ARFGEF1: variants seen among roughly 807,000 people sequenced by gnomAD.
ARFGEF1 encodes brefeldin A-inhibited guanine nucleotide-exchange protein 1.
A neutral mutation model predicts 231.0 loss-of-function variants in ARFGEF1; 42 were observed. The ratio of observed to expected loss-of-function variants is 0.18; its 90% CI spans 0.14 to 0.24. ARFGEF1 has a LOEUF of 0.24. Among genes scored for constraint, ARFGEF1 ranks in the 10% least tolerant of loss-of-function variants. The pLI, the probability that ARFGEF1 is intolerant of heterozygous loss-of-function variation, is 1.00. For synonymous variants in ARFGEF1, 710 were observed against 732.3 expected (o/e 0.97, Z 0.49); for missense variants, 1,345 against 2,192.0 (o/e 0.61, Z 7.72).
At chr8:67,342,737 A>C (rs1808701538) in intron 1 of ARFGEF1, among the ~76,000 whole-genome samples, 1 of 152,132 alleles carries the variant, frequency 6.6e-6, no homozygotes, top group Non-Finnish European at 1.5e-5. Flanking sequence ...AGTTATTGTT[A>C]ATTATGATAC....
At chr8:67,196,961 C>T (rs1191016957), downstream of ARFGEF1, among the ~76,000 whole-genome samples, 4 of 152,180 alleles carry the variant, frequency 2.6e-5, no homozygotes, top group Non-Finnish European at 4.4e-5. Flanking sequence ...AGACTGAATA[C>T]TTTTCCTCTT....
intron 34 of ARFGEF1, among the ~76,000 whole-genome samples, chr8:67,210,835 A>C (rs1045330074): frequency 1.3e-5 from 2 of 151,860 alleles, no homozygotes; most frequent in Non-Finnish European, 2.9e-5. Context: ...CGGGCGGATC[A>C]TAAGGTCAGG....
At chr8:67,263,316 T>C (rs1387832763) in intron 14 of ARFGEF1, among the ~76,000 whole-genome samples, 2 of 151,896 alleles carry the variant, frequency 1.3e-5, no homozygotes, top group Non-Finnish European at 2.9e-5. Flanking sequence ...AGTTCTTAAA[T>C]GGTCTCCCTC....
intron 35 of ARFGEF1, among the ~76,000 whole-genome samples, chr8:67,204,078 C>A (rs577532832): frequency 2.3e-4 from 35 of 152,324 alleles, no homozygotes; most frequent in African/African-American, 8.2e-4. Flanking sequence ...GAGAACAAAA[C>A]ATAGCAAACC....
chr8:67,292,740 G>A lies in ARFGEF1; in HGVS notation c.640-617C>T, dbSNP rs534170756. ...GTATATAATACTATCTGTAAAACTG[G>A]CTCACAAAATGTTAGAAACATTAAC... On this transcript the variant is annotated intron_variant, in intron 5 of 38. Coordinates refer to ENST00000262215, the MANE Select transcript of ARFGEF1 (RefSeq NM_006421.5). Among the ~76,000 whole-genome samples, 182 of 151,826 alleles carry A rather than the reference G, an allele frequency of 1.2e-3. 1 individual carries two copies. The highest frequency in any genetic ancestry group is 2.1e-3 in the Non-Finnish European group (143 of 67,912).
intron 5 of ARFGEF1, among the ~76,000 whole-genome samples, chr8:67,295,162 G>A (rs1286961064): frequency 2.0e-5 from 3 of 152,056 alleles, no homozygotes; most frequent in African/African-American, 7.2e-5. Flanking sequence ...AAATACAGAA[G>A]AGAGAAACAG....
chr8:67,193,059 T>C (rs1036029406), downstream of ARFGEF1, among the ~76,000 whole-genome samples: 4 of 152,236 alleles, frequency 2.6e-5, no homozygotes, highest in Non-Finnish European at 5.9e-5. Flanking sequence ...CTCTATATTT[T>C]CATGTTTTAT....
intron 9 of ARFGEF1, among the ~76,000 whole-genome samples, chr8:67,272,884 G>A (rs1179679173): frequency 4.6e-5 from 7 of 151,992 alleles, no homozygotes; most frequent in Non-Finnish European, 7.4e-5. Context: ...GAGGCAGGTC[G>A]ATCACTTGAG....
downstream of ARFGEF1, chr8:67,195,400 T>C: frequency 6.2e-7 from 1 of 1,613,954 alleles, no homozygotes; most frequent in Non-Finnish European, 8.5e-7. Flanking sequence ...AGTTCACTGG[T>C]TGACCCTGAT....
At chr8:67,333,190 A>G (rs1201359898) in intron 1 of ARFGEF1, among the ~76,000 whole-genome samples, 2 of 151,898 alleles carry the variant, frequency 1.3e-5, no homozygotes, top group African/African-American at 2.4e-5. Context: ...ACGCACCACC[A>G]CAGCCAGCTA....
intron 1 of ARFGEF1, among the ~76,000 whole-genome samples, chr8:67,318,636 T>C (rs1563913084): frequency 1.3e-5 from 2 of 152,152 alleles, no homozygotes; most frequent in East Asian, 1.9e-4. Flanking sequence ...ATCAATCACA[T>C]TTCTATATAC....
At chr8:67,271,482 A>T (rs1025456593) in intron 10 of ARFGEF1, among the ~76,000 whole-genome samples, 4 of 152,250 alleles carry the variant, frequency 2.6e-5, no homozygotes, top group African/African-American at 4.8e-5. Context: ...CCTTGAGGAC[A>T]GTGGCTCCAT....
At chr8:67,287,104 G>A (rs1805792062) in intron 7 of ARFGEF1, among the ~76,000 whole-genome samples, 1 of 152,132 alleles carries the variant, frequency 6.6e-6, no homozygotes, top group South Asian at 2.1e-4. Flanking sequence ...TTGCAAGACT[G>A]GCCTTTGGCT....
chr8:67,240,170 T>C lies in ARFGEF1; in HGVS notation c.2971A>G (p.Ser991Gly). The stretch of plus-strand genomic sequence containing the variant: ...ACAAAATTCTCTGTTACCTGAATGC[T>C]GAAAATGCATGCAATTCTGATTGCA... The part of the protein sequence containing the change: ...RCAIRIACIF[S>G]IQLERDAYVQ... The change falls in exon 20 of 39, where the codon AGC becomes GGC. Residue 991 changes from serine to glycine, a missense_variant. By Grantham distance (56) the Ser-to-Gly change is moderately conservative. Transcript: ENST00000262215. 1.2e-6 allele frequency: 2 copies of C among 1,608,976 alleles called. No homozygotes were observed. The highest frequency in any genetic ancestry group is 1.7e-6 in the Non-Finnish European group (2 of 1,178,904).
chr8:67,180,302 C>A (rs927916227), intron 5 of ARFGEF1, among the ~76,000 whole-genome samples: 1 of 152,180 alleles, frequency 6.6e-6, no homozygotes, highest in African/African-American at 2.4e-5. Flanking sequence ...GATGACTCTT[C>A]AGGGAAATAG....
chr8:67,291,111 TA>T (rs1805988033), intron 6 of ARFGEF1, among the ~76,000 whole-genome samples: 1 of 152,082 alleles, frequency 6.6e-6, no homozygotes, highest in African/African-American at 2.4e-5. Flanking sequence ...TCTCATCATT[TA>T]AAAATGACAT....
At chr8:67,337,373 C>T (rs879634695) in intron 1 of ARFGEF1, among the ~76,000 whole-genome samples, 6 of 152,150 alleles carry the variant, frequency 3.9e-5, no homozygotes, top group African/African-American at 1.4e-4. Flanking sequence ...GGCTACAAGA[C>T]TGGATGCCAT....
At chr8:67,224,774 A>G in intron 29 of ARFGEF1, 129 bp downstream of exon 29, 1 of 507,764 alleles carries the variant, frequency 2.0e-6, no homozygotes, top group East Asian at 3.6e-5. Flanking sequence ...AATATACCTA[A>G]TAATTAATAT....
chr8:67,206,266 C>T (rs1312521189), intron 34 of ARFGEF1, among the ~76,000 whole-genome samples: 1 of 151,790 alleles, frequency 6.6e-6, no homozygotes, highest in Non-Finnish European at 1.5e-5. Flanking sequence ...AAAAATTAGC[C>T]GGGTGTGGTG....
Sources: gnomAD v4.1 joint callset for allele counts (sites outside exome capture counted in the v4.1 genomes callset) on GRCh38, gnomAD v4.1.1 for gene constraint, MANE v1.5 for transcripts, NCBI Gene and HGNC (gene_info 2026-07-23, HGNC 2026-07-21) for gene names.